The following KIAA1958 variants were observed in gnomAD, a reference collection of about 807,000 sequenced individuals.
The protein encoded by KIAA1958 is KIAA1958, also known as uncharacterized protein KIAA1958.
KIAA1958 carries 14 observed loss-of-function variants against 47.2 expected under a neutral mutation model. The observed-to-expected ratio is 0.30, with a 90% CI of 0.20 to 0.46. KIAA1958 has a LOEUF of 0.46. Among genes scored for constraint, KIAA1958 ranks in the 20% least tolerant of loss-of-function variants. The pLI is 1.00. For synonymous variants in KIAA1958, 354 were observed against 353.3 expected (o/e 1.00, Z -0.02); for missense variants, 803 against 909.2 (o/e 0.88, Z 1.50).
intron 2 of KIAA1958, among the ~76,000 whole-genome samples, chr9:112,595,517 C>T (rs181930662): frequency 3.3e-5 from 5 of 151,732 alleles, no homozygotes; most frequent in African/African-American, 1.2e-4. Context: ...AAAAATTAGC[C>T]GAGTGTGGTG....
At chr9:112,511,780 C>A (rs1215931969) in intron 1 of KIAA1958, among the ~76,000 whole-genome samples, 2 of 152,022 alleles carry the variant, frequency 1.3e-5, no homozygotes, top group Non-Finnish European at 2.9e-5. Context: ...AAATATCTAG[C>A]CAGACTGATC....
chr9:112,554,859 C>A (rs1835215009), intron 1 of KIAA1958, among the ~76,000 whole-genome samples: 1 of 152,138 alleles, frequency 6.6e-6, no homozygotes, highest in South Asian at 2.1e-4. Context: ...GCCACTGTTA[C>A]AGTGTGTGCA....
chr9:112,609,992 T>C (rs1361477113), intron 2 of KIAA1958, among the ~76,000 whole-genome samples: 2 of 152,098 alleles, frequency 1.3e-5, no homozygotes, highest in Non-Finnish European at 2.9e-5. Flanking sequence ...CTCAGTAAAA[T>C]GTCCAAAGTA....
At chr9:112,645,857 C>T in intron 3 of KIAA1958, 35 bp downstream of exon 3, 2 of 1,582,530 alleles carry the variant, frequency 1.3e-6, no homozygotes, top group South Asian at 1.1e-5. Flanking sequence ...TTTCAGCCAA[C>T]TTCACTGAGC....
intron 2 of KIAA1958, among the ~76,000 whole-genome samples, chr9:112,630,499 T>A (rs574305767): frequency 2.4e-4 from 36 of 152,320 alleles, no homozygotes; most frequent in African/African-American, 6.5e-4. Flanking sequence ...AATTTAAAAA[T>A]TTTTTAAATT....
intron 1 of KIAA1958, among the ~76,000 whole-genome samples, chr9:112,546,599 A>G (rs999149925): frequency 3.3e-5 from 5 of 152,028 alleles, no homozygotes; most frequent in Non-Finnish European, 7.4e-5. Context: ...TTCCTGTGTG[A>G]AGCCATGAAC....
At chr9:112,600,341 G>A (rs1436082371) in intron 2 of KIAA1958, among the ~76,000 whole-genome samples, 1 of 152,164 alleles carries the variant, frequency 6.6e-6, no homozygotes, top group Non-Finnish European at 1.5e-5. Flanking sequence ...TAGCACAGCA[G>A]GGCTGTCCTC....
At chr9:112,605,285 A>G (rs573745507) in intron 2 of KIAA1958, among the ~76,000 whole-genome samples, 1 of 152,196 alleles carries the variant, frequency 6.6e-6, no homozygotes, top group African/African-American at 2.4e-5. Flanking sequence ...TCTCTTCCAC[A>G]GTTTTTACAA....
At chr9:112,542,202 A>C (rs1834956358) in intron 1 of KIAA1958, among the ~76,000 whole-genome samples, 1 of 152,178 alleles carries the variant, frequency 6.6e-6, no homozygotes, top group Non-Finnish European at 1.5e-5. Context: ...TGAAAATATG[A>C]ATATGTTCTT....
intron 2 of KIAA1958, among the ~76,000 whole-genome samples, chr9:112,637,808 G>A (rs777641505): frequency 2.0e-5 from 3 of 152,140 alleles, no homozygotes; most frequent in Non-Finnish European, 2.9e-5. Context: ...CTGATGTTGT[G>A]CTGTATAAGG....
intron 1 of KIAA1958, among the ~76,000 whole-genome samples, chr9:112,543,567 C>T (rs968341225): frequency 4.6e-5 from 5 of 108,180 alleles, no homozygotes; most frequent in African/African-American, 1.4e-4. Flanking sequence ...TTCTGAGCTT[C>T]TTTTTTTTTT....
chr9:112,527,659 G>T (rs557260349), intron 1 of KIAA1958, among the ~76,000 whole-genome samples: 1 of 152,144 alleles, frequency 6.6e-6, no homozygotes, highest in Non-Finnish European at 1.5e-5. Context: ...GAGGCTGGGC[G>T]TGGTGGCTCA....
At chr9:112,542,027 A>C (rs995825313) in intron 1 of KIAA1958, among the ~76,000 whole-genome samples, 1 of 152,232 alleles carries the variant, frequency 6.6e-6, no homozygotes, top group African/African-American at 2.4e-5. Flanking sequence ...TCGTTTTGTT[A>C]AAGGTTAAAA....
At chr9:112,536,874 T>A (rs1826088079) in intron 1 of KIAA1958, among the ~76,000 whole-genome samples, 1 of 151,828 alleles carries the variant, frequency 6.6e-6, no homozygotes, top group African/African-American at 2.4e-5. Context: ...AGATAAAAAA[T>A]AATAATAAAG....
At chr9:112,516,052 C>T (rs577909063) in intron 1 of KIAA1958, among the ~76,000 whole-genome samples, 2 of 152,244 alleles carry the variant, frequency 1.3e-5, no homozygotes, top group South Asian at 2.1e-4. Context: ...GTACAACTGT[C>T]TGTCTGTATT....
intron 2 of KIAA1958, among the ~76,000 whole-genome samples, chr9:112,612,787 T>C (rs1453187611): frequency 6.6e-6 from 1 of 152,202 alleles, no homozygotes; most frequent in Non-Finnish European, 1.5e-5. Context: ...TACTTGCCCA[T>C]GCATGGGAAA....
chr9:112,606,440 C>T (rs1482392383), intron 2 of KIAA1958, among the ~76,000 whole-genome samples: 2 of 152,154 alleles, frequency 1.3e-5, no homozygotes, highest in Non-Finnish European at 2.9e-5. Flanking sequence ...GGATTTTACC[C>T]ATATTCAGTT....
In KIAA1958 at chr9:112,618,476, A is replaced by C. The variant is rs1159905362; in HGVS notation, c.1172-27174A>C. The C allele has an allele frequency of 6.4e-7, 1 of 1,550,776 alleles. No homozygotes were observed. The highest frequency in any genetic ancestry group is 8.7e-7 in the Non-Finnish European group (1 of 1,147,070). ...GATGGGTCAGGACACTGGAGACTTG[A>C]ATGCCAAAACCAAGAGAGGGGGGAC... On this transcript the variant is annotated intron_variant, in intron 2 of 3. Coordinates refer to ENST00000337530, the MANE Select transcript of KIAA1958 (RefSeq NM_133465.4). This position sits in a 1 kb window ranked among gnomAD's most constrained non-coding sequence, Gnocchi z 7.1.
intron 2 of KIAA1958, among the ~76,000 whole-genome samples, chr9:112,585,253 A>C (rs1588028786): frequency 6.6e-6 from 1 of 152,364 alleles, no homozygotes; most frequent in Non-Finnish European, 1.5e-5. Context: ...TTTATAAAAG[A>C]AGCAGACAAA....
Sources: allele counts gnomAD v4.1 joint callset (sites outside exome capture counted in the v4.1 genomes callset), GRCh38; gene constraint gnomAD v4.1.1; non-coding constraint Gnocchi (gnomAD v3.1); transcripts MANE v1.5; gene names NCBI Gene and HGNC (gene_info 2026-07-23, HGNC 2026-07-21).